The following CSPG5 variants were observed in gnomAD, a reference collection of about 807,000 sequenced individuals.
The protein encoded by CSPG5 is acidic leucine-rich EGF-like domain-containing brain protein.
CSPG5 carries 25 observed loss-of-function variants against 39.8 expected under a neutral mutation model. The observed-to-expected ratio is 0.63, with a 90% CI of 0.46 to 0.88. The LOEUF (loss-of-function observed/expected upper bound fraction) is 0.88. Ranked by LOEUF, CSPG5 falls within the 40% of genes least tolerant of loss-of-function variation. The pLI, the probability that CSPG5 is intolerant of heterozygous loss-of-function variation, is 0.00. For missense variants in CSPG5, 627 were observed against 702.2 expected, an observed-to-expected ratio of 0.89 and a Z score of 1.21; for synonymous variants, 295 against 303.9, an observed-to-expected ratio of 0.97 and a Z score of 0.31.
At chr3:47,566,345 T>C (rs555519385) in intron 4 of CSPG5, among the ~76,000 whole-genome samples, 2 of 152,064 alleles carry the variant, frequency 1.3e-5, no homozygotes, top group Non-Finnish European at 2.9e-5. Flanking sequence ...TCCCGTATCA[T>C]CTGGAGGATC....
At chr3:47,569,550 G>A (rs969444973) in intron 3 of CSPG5, among the ~76,000 whole-genome samples, 3 of 151,578 alleles carry the variant, frequency 2.0e-5, no homozygotes, top group African/African-American at 7.3e-5. Context: ...GTTGCAGGGA[G>A]CCAAGATCGT....
chr3:47,579,072 G>A, upstream of CSPG5: 1 of 157,386 alleles, frequency 6.4e-6, no homozygotes, highest in Non-Finnish European at 1.4e-5. This position sits in a 1 kb window ranked among gnomAD's most constrained non-coding sequence, Gnocchi z 4.2. Flanking sequence ...GGCGCACGGC[G>A]CGGCGCGCGG....
intron 4 of CSPG5, among the ~76,000 whole-genome samples, chr3:47,566,509 G>A (rs1157758081): frequency 1.3e-5 from 2 of 152,198 alleles, no homozygotes; most frequent in African/African-American, 2.4e-5. Flanking sequence ...TTTGGATGAG[G>A]TGGAGAGAAT....
rs2031879053 is a variant in CSPG5 at position 47,578,671 on chromosome 3, C to A, written c.23G>T (p.Gly8Val). ...CAGTGGCGGCGGCCCCCGGCCCGGGCCCCCGCCCCCGGCTCGCCCCATGGC... is the reference window on the plus strand; with the variant it reads ...CAGTGGCGGCGGCCCCCGGCCCGGGACCCCGCCCCCGGCTCGCCCCATGGC... The part of the protein sequence containing the change: MGRAGGG[G>V]PGRGPPPLLL... The change falls in exon 1 of 5, where the codon GGC (glycine) becomes GTC (valine). Residue 8 changes from glycine (G) to valine (V), a missense_variant. Physicochemically the swap from Gly to Val is moderately radical, Grantham distance 109. Transcript: ENST00000264723. This position sits in a 1 kb window ranked among gnomAD's most constrained non-coding sequence, Gnocchi z 6.0. 1 of 1,059,836 alleles carries A rather than the reference C, an allele frequency of 9.4e-7. No individual in the cohort carries two copies. The highest frequency in any genetic ancestry group is 1.2e-6 in the Non-Finnish European group (1 of 868,608). 65.7% of individuals were successfully genotyped at this position (1,059,836 alleles called of 1,614,324 possible).
intron 2 of CSPG5, among the ~76,000 whole-genome samples, chr3:47,576,030 T>C (rs1880020): frequency 0.96 from 144,456 of 150,738 alleles, 69,518 homozygotes; most frequent in East Asian, 1. Flanking sequence ...GTCCACCTCC[T>C]GGGTTCAAGC....
At chr3:47,565,232 T>C (rs1487294268) in intron 4 of CSPG5, among the ~76,000 whole-genome samples, 3 of 152,082 alleles carry the variant, frequency 2.0e-5, no homozygotes, top group Non-Finnish European at 4.4e-5. Flanking sequence ...GAAAACTGTC[T>C]TCTGAGCCAA....
Position 47,577,691 on chromosome 3 carries a change from G to T in CSPG5, c.335C>A (p.Thr112Asn). The change falls in exon 2 of 5, where the codon ACC becomes AAC. Residue 112 changes from threonine (T) to asparagine (N), a missense_variant. Physicochemically the swap from Thr to Asn is moderately conservative, Grantham distance 65 (BLOSUM62 0). Coordinates refer to ENST00000264723, the MANE Select transcript of CSPG5 (RefSeq NM_006574.4). The surrounding 1 kb of genome is among the most constrained non-coding windows in gnomAD (Gnocchi z 4.7). ...EADSPGLGGV[T>N]AEAGSGDAQA... ...GGCATCGCCGCTGCCCGCCTCTGCGGTCACTCCTCCCAGGCCTGGGCTGTC... is the reference window on the plus strand; with the variant it reads ...GGCATCGCCGCTGCCCGCCTCTGCGTTCACTCCTCCCAGGCCTGGGCTGTC... 6.3e-7 allele frequency: 1 copy of T among 1,592,482 alleles called. No individual in the cohort carries two copies.
Position 47,577,069 on chromosome 3 carries a change from C to T in CSPG5, c.957G>A (p.Arg319=), listed in dbSNP as rs2031773934. 1 of 1,613,544 alleles carries T rather than the reference C, an allele frequency of 6.2e-7. No individual in the cohort carries two copies. The highest frequency in any genetic ancestry group is 1.7e-5 in the Admixed American group (1 of 60,006). The part of the protein sequence containing the change: ...LGPGTGQPTS[R]WHAVPPQHTL... ...TGTGCTGTGGAGGGACAGCATGCCA[C>T]CGACTGGTGGGCTGGCCTGTCCCGG... Residue 319 remains arginine, a synonymous_variant, in exon 2 of 5, where the codon CGG becomes CGA. Transcript: ENST00000264723. This position sits in a 1 kb window ranked among gnomAD's most constrained non-coding sequence, Gnocchi z 4.7.
In CSPG5 at chr3:47,578,717, C is replaced by A; in HGVS notation, c.-24G>T. ...ATGGCGCGGCGCCCCGACCGCTGTCCGCGGTCCGCCCGGCTGGCTGCGCCC... is the reference window on the plus strand; with the variant it reads ...ATGGCGCGGCGCCCCGACCGCTGTCAGCGGTCCGCCCGGCTGGCTGCGCCC... On this transcript the variant is annotated 5_prime_UTR_variant, in exon 1 of 5. Transcript: ENST00000264723. This position sits in a 1 kb window ranked among gnomAD's most constrained non-coding sequence, Gnocchi z 6.0. 1.4e-6 allele frequency: 1 copy of A among 691,264 alleles called. No individual in the cohort carries two copies. Among genetic ancestry groups the A allele is most frequent in the East Asian group, 1.1e-4 (1 of 9,184 alleles). 42.8% of individuals were successfully genotyped at this position (691,264 alleles called of 1,614,324 possible). A position where few individuals can be genotyped will look rare whatever the true frequency, so the allele number is the denominator to read the frequency against.
At chr3:47,574,445 G>C (rs1473503224) in intron 2 of CSPG5, among the ~76,000 whole-genome samples, 1 of 152,164 alleles carries the variant, frequency 6.6e-6, no homozygotes. Context: ...ACTGAATTTT[G>C]AGGAGCAAAA....
intron 4 of CSPG5, among the ~76,000 whole-genome samples, chr3:47,567,508 C>T (rs1256523525): frequency 1.3e-5 from 2 of 152,140 alleles, no homozygotes; most frequent in Non-Finnish European, 2.9e-5. Flanking sequence ...TTGGTACAAA[C>T]CAAGTGAAAT....
chr3:47,576,920 G>A lies in CSPG5; in HGVS notation c.1106C>T (p.Ser369Phe), dbSNP rs750098976. 6.2e-7 allele frequency: 1 copy of A among 1,611,908 alleles called. No individual in the cohort carries two copies. The highest frequency in any genetic ancestry group is 2.2e-5 in the East Asian group (1 of 44,836). Residue 369 changes from serine (S) to phenylalanine (F), a missense_variant, in exon 2 of 5, where the codon TCC becomes TTC. Transcript: ENST00000264723. ...GAAGAGGTCGCACACTGACCGGCAGGAGCCGTTATGCCGCACAAAGCCACT... is the reference window on the plus strand; with the variant it reads ...GAAGAGGTCGCACACTGACCGGCAGAAGCCGTTATGCCGCACAAAGCCACT... ...CRSGFVRHNG[S>F]CRSVCDLFPS...
chr3:47,569,138 CAA>C lies in CSPG5; in HGVS notation c.1458+12_1458+13del. 2 of 1,606,938 alleles carry C rather than the reference CAA, an allele frequency of 1.2e-6. No individual in the cohort carries two copies. The highest frequency in any genetic ancestry group is 1.7e-6 in the Non-Finnish European group (2 of 1,177,150). On this transcript the variant is annotated intron_variant, in intron 4 of 4. Transcript: ENST00000264723. ...GGGGGAGGAGGTACGGGGAGTGTTG[CAA>C]AGTTTCCTTACATTTGGGTGAGAGC...
Position 47,577,699 on chromosome 3 carries a change from T to A in CSPG5, c.327A>T (p.Gly109=). 1 of 1,587,722 alleles carries A rather than the reference T, an allele frequency of 6.3e-7. No homozygotes were observed. Among genetic ancestry groups the A allele is most frequent in the Non-Finnish European group, 8.5e-7 (1 of 1,170,532 alleles). ...CGCTGCCCGCCTCTGCGGTCACTCCTCCCAGGCCTGGGCTGTCAGCTTCCA... is the reference window on the plus strand; with the variant it reads ...CGCTGCCCGCCTCTGCGGTCACTCCACCCAGGCCTGGGCTGTCAGCTTCCA... ...AWLEADSPGL[G]GVTAEAGSGD... is the part of the protein sequence containing the mutation. Residue 109 remains glycine (G), a synonymous_variant, in exon 2 of 5, where the codon GGA becomes GGT. Coordinates refer to ENST00000264723, the MANE Select transcript of CSPG5 (RefSeq NM_006574.4). The surrounding 1 kb of genome is among the most constrained non-coding windows in gnomAD (Gnocchi z 4.7).
intron 2 of CSPG5, among the ~76,000 whole-genome samples, chr3:47,576,203 C>T (rs1035946236): frequency 1.3e-5 from 2 of 152,092 alleles, no homozygotes; most frequent in African/African-American, 2.4e-5. Context: ...TCCCAAAGTG[C>T]TGGGATTACA....
intron 4 of CSPG5, among the ~76,000 whole-genome samples, chr3:47,565,663 T>G (rs1576368011): frequency 1.5e-5 from 2 of 134,374 alleles, no homozygotes; most frequent in African/African-American, 2.8e-5. Context: ...GTCTGGAGAG[T>G]AGGAAAGAGT....
intron 2 of CSPG5, among the ~76,000 whole-genome samples, chr3:47,574,043 G>A (rs1488042177): frequency 1.3e-5 from 2 of 152,172 alleles, no homozygotes; most frequent in Non-Finnish European, 2.9e-5. Context: ...TTTTCAAGCC[G>A]TGGCCAGGCC....
chr3:47,577,475 G>A lies in CSPG5; in HGVS notation c.551C>T (p.Pro184Leu), dbSNP rs779726023. Reference protein sequence around the residue: ...EVWLNLGGSTPDPQGPELTYP... With the variant: ...EVWLNLGGSTLDPQGPELTYP... The stretch of plus-strand genomic sequence containing the variant: ...AGTCAGCTCTGGCCCTTGAGGGTCG[G>A]GTGTGCTGCCCCCCAGGTTCAGCCA... Residue 184 changes from proline (P) to leucine (L), a missense_variant, in exon 2 of 5, where the codon CCC becomes CTC. Pro to Leu is a moderately conservative substitution (Grantham distance 98). Coordinates refer to ENST00000264723, the MANE Select transcript of CSPG5 (RefSeq NM_006574.4). This position sits in a 1 kb window ranked among gnomAD's most constrained non-coding sequence, Gnocchi z 4.7. 2 of 1,613,886 alleles carry A rather than the reference G, an allele frequency of 1.2e-6. No homozygotes were observed. Among genetic ancestry groups the A allele is most frequent in the Non-Finnish European group, 1.7e-6 (2 of 1,179,972 alleles).
Position 47,577,251 on chromosome 3 carries a change from G to A in CSPG5, c.775C>T (p.Pro259Ser). 1 of 1,611,412 alleles carries A rather than the reference G, an allele frequency of 6.2e-7. No homozygotes were observed. Among genetic ancestry groups the A allele is most frequent in the East Asian group, 2.2e-5 (1 of 44,820 alleles). Residue 259 changes from proline (P) to serine (S), a missense_variant, in exon 2 of 5, where the codon CCC (proline) becomes TCC (serine). Pro to Ser is a moderately conservative substitution (Grantham distance 74). Transcript: ENST00000264723. This position sits in a 1 kb window ranked among gnomAD's most constrained non-coding sequence, Gnocchi z 4.7. The stretch of plus-strand genomic sequence containing the variant: ...GGGTAGAAATCAGATTCATCGAAGG[G>A]GGTGAAATCATCGTATAAGTCAAGC... ...SLLDLYDDFT[P>S]FDESDFYPTT...
Sources: gnomAD v4.1 joint callset for allele counts (sites outside exome capture counted in the v4.1 genomes callset) on GRCh38, gnomAD v4.1.1 for gene constraint, Gnocchi (gnomAD v3.1) non-coding constraint, MANE v1.5 for transcripts, NCBI Gene and HGNC (gene_info 2026-07-23, HGNC 2026-07-21) for gene names.